Variants in CERKL observed in about 807,000 individuals in gnomAD.
CERKL encodes the protein CERK like autophagy regulator.
Under a neutral mutation model 63.4 loss-of-function variants are expected in CERKL, and 61 were observed. That is an observed-to-expected ratio of 0.96 (90% confidence interval 0.78 to 1.19). CERKL has a LOEUF of 1.19. CERKL is among the 50% of genes most tolerant of loss of function. CERKL has a pLI of 0.00. For missense variants in CERKL, 675 were observed against 655.5 expected, an observed-to-expected ratio of 1.03 and a Z score of -0.33; for synonymous variants, 250 against 230.5, an observed-to-expected ratio of 1.08 and a Z score of -0.77.
Position 181,657,037 on chromosome 2 carries a change from G to A in CERKL, c.-31C>T. 6.5e-7 allele frequency: 1 copy of A among 1,546,442 alleles called. No individual in the cohort carries two copies. Among genetic ancestry groups the A allele is most frequent in the Non-Finnish European group, 8.7e-7 (1 of 1,144,938 alleles). ...AGTCGCAGGCTGGGCCCGAGCCAGG[G>A]GTCCGGGGAGGCCTTTGGAGAAGGA... On this transcript the variant is annotated 5_prime_UTR_variant, in exon 1 of 13. Coordinates refer to ENST00000410087, the MANE Select transcript of CERKL (RefSeq NM_201548.5).
chr2:181,555,844 C>T (rs1199990875), intron 5 of CERKL, among the ~76,000 whole-genome samples: 1 of 151,558 alleles, frequency 6.6e-6, no homozygotes, highest in East Asian at 1.9e-4. Context: ...CCTCTGCCTC[C>T]CAGGTTCAAG....
chr2:181,604,644 T>C lies in CERKL; in HGVS notation c.239-565A>G, dbSNP rs75624547. ...TGTCACATAAGGAGCTCTTTGGTAC[T>C]AAGGATAGAGTAAAGTAACAGAAAA... is the stretch of plus-strand genomic sequence containing the variant. On this transcript the variant is annotated intron_variant, in intron 1 of 12. Transcript: ENST00000410087. 7.9e-5 allele frequency among the ~76,000 whole-genome samples: 12 copies of C among 152,256 alleles called. No homozygotes were observed. In the East Asian group the frequency reaches 2.3e-3, roughly 29 times the overall value.
chr2:181,647,280 C>G (rs866349936), intron 1 of CERKL, among the ~76,000 whole-genome samples: 7 of 152,142 alleles, frequency 4.6e-5, no homozygotes, highest in Non-Finnish European at 1.0e-4. Context: ...ACTGGCTAGA[C>G]TTTAGATAAA....
intron 10 of CERKL, among the ~76,000 whole-genome samples, chr2:181,547,203 T>C (rs1052761818): frequency 2.0e-5 from 3 of 152,164 alleles, no homozygotes; most frequent in Non-Finnish European, 4.4e-5. Flanking sequence ...ATCAGCAGCA[T>C]GAAAACAGAC....
chr2:181,540,538 A>G (rs1687456339), intron 11 of CERKL, among the ~76,000 whole-genome samples: 1 of 152,184 alleles, frequency 6.6e-6, no homozygotes, highest in Non-Finnish European at 1.5e-5. Context: ...CTTATGAGAG[A>G]AGAATGCCAA....
At chr2:181,574,021 C>T (rs1438025797) in intron 2 of CERKL, 137 bp from the exon 3 acceptor site, 1 of 773,702 alleles carries the variant, frequency 1.3e-6, no homozygotes, top group East Asian at 2.7e-5. Flanking sequence ...GAAATTCTTG[C>T]AAGAGTATTC....
At chr2:181,563,297 G>A (rs1433468890) in intron 4 of CERKL, among the ~76,000 whole-genome samples, 2 of 151,898 alleles carry the variant, frequency 1.3e-5, no homozygotes, top group South Asian at 2.1e-4. Context: ...GTTTAGAAAT[G>A]TCACAAGATG....
intron 5 of CERKL, among the ~76,000 whole-genome samples, chr2:181,553,168 G>A (rs940919690): frequency 6.6e-6 from 1 of 152,196 alleles, no homozygotes; most frequent in Non-Finnish European, 1.5e-5. Flanking sequence ...AACAAGTAGT[G>A]TAGAAACCTG....
At chr2:181,621,281 A>G (rs1406789890) in intron 1 of CERKL, among the ~76,000 whole-genome samples, 4 of 152,226 alleles carry the variant, frequency 2.6e-5, no homozygotes, top group Non-Finnish European at 5.9e-5. Flanking sequence ...GTCTTAATAA[A>G]ATTGTAAGTC....
intron 4 of CERKL, among the ~76,000 whole-genome samples, chr2:181,562,069 C>T (rs1251609528): frequency 1.3e-5 from 2 of 152,120 alleles, no homozygotes; most frequent in African/African-American, 4.8e-5. Context: ...CCTCTTCAGC[C>T]TTCTAAAGAG....
At chr2:181,578,887 T>C (rs1285171858) in intron 2 of CERKL, among the ~76,000 whole-genome samples, 1 of 152,026 alleles carries the variant, frequency 6.6e-6, no homozygotes, top group Non-Finnish European at 1.5e-5. Flanking sequence ...ATGAATGCTA[T>C]TCTCCATCTA....
intron 1 of CERKL, among the ~76,000 whole-genome samples, chr2:181,651,288 C>G (rs556686744): frequency 6.6e-6 from 1 of 152,218 alleles, no homozygotes; most frequent in African/African-American, 2.4e-5. Context: ...ATTAGCAAAC[C>G]AAATCCAACA....
In CERKL at chr2:181,591,627, G is replaced by A. The variant is rs143439881; in HGVS notation, c.481+12210C>T. 6.6e-3 allele frequency among the ~76,000 whole-genome samples: 997 copies of A among 152,142 alleles called. 9 individuals are homozygous for A. The highest frequency in any genetic ancestry group is 0.02 in the African/African-American group (823 of 41,534). On this transcript the variant is annotated intron_variant, in intron 2 of 12. Transcript: ENST00000410087. ...TCAAAGTAGTTTTTATACATCATAC[G>A]ATTGGGCAAATGGGCACATGCCTTG...
intron 10 of CERKL, among the ~76,000 whole-genome samples, chr2:181,546,102 G>C (rs935001074): frequency 1.3e-5 from 2 of 152,046 alleles, no homozygotes; most frequent in Admixed American, 1.3e-4. Context: ...TTGATCAAAA[G>C]GTCTTTGCAA....
chr2:181,576,606 A>C (rs1684229867), intron 2 of CERKL, among the ~76,000 whole-genome samples: 1 of 152,216 alleles, frequency 6.6e-6, no homozygotes, highest in South Asian at 2.1e-4. Context: ...CAATCAATGA[A>C]GCCATATAAC....
chr2:181,587,676 C>G (rs1684823268), intron 2 of CERKL, among the ~76,000 whole-genome samples: 1 of 152,114 alleles, frequency 6.6e-6, no homozygotes, highest in South Asian at 2.1e-4. Context: ...CAATTAACCT[C>G]ATAAAAAATC....
At chr2:181,602,165 T>C (rs969824485) in intron 2 of CERKL, among the ~76,000 whole-genome samples, 3 of 152,240 alleles carry the variant, frequency 2.0e-5, no homozygotes, top group Non-Finnish European at 4.4e-5. Context: ...TGCTTCTTAC[T>C]TTCTCTTGGT....
At chr2:181,635,890 A>G (rs1310630568) in intron 1 of CERKL, among the ~76,000 whole-genome samples, 1 of 152,214 alleles carries the variant, frequency 6.6e-6, no homozygotes, top group African/African-American at 2.4e-5. Flanking sequence ...CAGAAATATT[A>G]TGAATGTATA....
rs539464631 is a variant in CERKL at position 181,538,247 on chromosome 2, G to A, written c.1539-3C>T. The A allele has an allele frequency of 2.6e-6, 4 of 1,560,674 alleles. No homozygotes were observed. Among genetic ancestry groups the A allele is most frequent in the East Asian group, 2.2e-5 (1 of 44,576 alleles). ...GACTGATAAGTCTTGGATGCAATCT[G>A]TAAAGAAAATACATTATTTCATCAA... On this transcript the variant is annotated splice_region_variant and splice_polypyrimidine_tract_variant and intron_variant, in intron 12 of 12. Coordinates refer to ENST00000410087, the MANE Select transcript of CERKL (RefSeq NM_201548.5).
Sources: allele counts gnomAD v4.1 joint callset (sites outside exome capture counted in the v4.1 genomes callset), GRCh38; gene constraint gnomAD v4.1.1; transcripts MANE v1.5; gene names NCBI Gene and HGNC (gene_info 2026-07-23, HGNC 2026-07-21).